The following SGCZ variants were observed in gnomAD, a reference collection of about 807,000 sequenced individuals.
SGCZ encodes the protein zeta-sarcoglycan.
SGCZ carries 40 observed loss-of-function variants against 41.3 expected under a neutral mutation model. That is an observed-to-expected ratio of 0.97 (90% CI 0.75 to 1.26). The LOEUF (loss-of-function observed/expected upper bound fraction) is 1.26, where lower values mean the gene tolerates loss of function less well. SGCZ is among the 50% of genes most tolerant of loss of function. SGCZ has a pLI of 0.00. For synonymous variants in SGCZ, 206 were observed against 137.5 expected, an observed-to-expected ratio of 1.50 and a Z score of -3.49; for missense variants, 552 against 369.8, an observed-to-expected ratio of 1.49 and a Z score of -4.04.
At chr8:14,274,736 A>C (rs961750950) in intron 3 of SGCZ, among the ~76,000 whole-genome samples, 1 of 152,080 alleles carries the variant, frequency 6.6e-6, no homozygotes, top group African/African-American at 2.4e-5. Flanking sequence ...TTTTCACAAA[A>C]AAATTATACT....
intron 5 of SGCZ, among the ~76,000 whole-genome samples, chr8:14,147,167 C>T (rs1585177918): frequency 6.6e-6 from 1 of 151,932 alleles, no homozygotes; most frequent in Admixed American, 6.6e-5. Flanking sequence ...TGGAGAAAAT[C>T]ACCTTCACTA....
At chr8:14,631,049 A>G in intron 1 of SGCZ, among the ~76,000 whole-genome samples, 1 of 152,070 alleles carries the variant, frequency 6.6e-6, no homozygotes, top group Non-Finnish European at 1.5e-5. Flanking sequence ...ATAAATTTAT[A>G]TGTAATAAAA....
At chr8:14,875,987 A>T (rs538491221) in intron 1 of SGCZ, among the ~76,000 whole-genome samples, 32 of 152,160 alleles carry the variant, frequency 2.1e-4, no homozygotes, top group Non-Finnish European at 4.1e-4. Context: ...AACACCAAAC[A>T]CAAACCATTT....
intron 3 of SGCZ, among the ~76,000 whole-genome samples, chr8:14,264,539 C>T (rs1463261193): frequency 1.3e-5 from 2 of 152,178 alleles, no homozygotes; most frequent in African/African-American, 2.4e-5. Context: ...CATGGGGCAA[C>T]ACAACACCTG....
At chr8:15,157,004 A>T (rs1377239219) in intron 1 of SGCZ, among the ~76,000 whole-genome samples, 2 of 152,082 alleles carry the variant, frequency 1.3e-5, no homozygotes, top group Non-Finnish European at 2.9e-5. Context: ...GCACTTCTCA[A>T]ATATTCTCAA....
chr8:14,820,961 T>G (rs1585290682), intron 1 of SGCZ, among the ~76,000 whole-genome samples: 1 of 146,884 alleles, frequency 6.8e-6, no homozygotes, highest in Non-Finnish European at 1.5e-5. Context: ...CAAAATTGGT[T>G]GAAGGAAGGA....
intron 1 of SGCZ, among the ~76,000 whole-genome samples, chr8:14,784,978 T>A (rs1036314460): frequency 5.6e-5 from 8 of 142,256 alleles, no homozygotes; most frequent in Admixed American, 2.2e-4. Flanking sequence ...ATATATATAT[T>A]TTTTATATAT....
intron 1 of SGCZ, among the ~76,000 whole-genome samples, chr8:14,860,027 GAATC>G (rs1166850388): frequency 6.6e-6 from 1 of 152,062 alleles, no homozygotes; most frequent in Non-Finnish European, 1.5e-5. Flanking sequence ...GAATTGATAA[GAATC>G]AAGGAATCAG....
chr8:14,616,828 A>C (rs1318336520), intron 1 of SGCZ, among the ~76,000 whole-genome samples: 1 of 152,218 alleles, frequency 6.6e-6, no homozygotes, highest in Non-Finnish European at 1.5e-5. Flanking sequence ...TAAGATCTCC[A>C]TAAGCCTTAT....
Position 14,580,032 on chromosome 8 carries a change from G to T in SGCZ, c.40-25106C>A, listed in dbSNP as rs534284803. 4.6e-5 allele frequency among the ~76,000 whole-genome samples: 7 copies of T among 152,290 alleles called. No individual in the cohort carries two copies. In the South Asian group the frequency reaches 1.4e-3, roughly 32 times the overall value. The stretch of plus-strand genomic sequence containing the variant: ...CTCTGAAGCACTGAAGGCCTGTTTG[G>T]CTGAAGGTTCATTCATGCATAGCCC... On this transcript the variant is annotated intron_variant, in intron 1 of 7. Transcript: ENST00000382080.
At position 15,034,599 on chromosome 8, in the gene SGCZ, A is replaced by T. The variant is rs138212145; in HGVS notation, c.39+202986T>A. On this transcript the variant is annotated intron_variant, in intron 1 of 7. Coordinates refer to ENST00000382080, the MANE Select transcript of SGCZ (RefSeq NM_139167.4). ...TGAAGAATGATGTAAATATCCAGGT[A>T]CAGAAAGGTCAAAGGTCTCCATTCA... 3.3e-3 allele frequency among the ~76,000 whole-genome samples: 506 copies of T among 152,322 alleles called. 5 individuals are homozygous for T. The highest frequency in any genetic ancestry group is 0.012 in the African/African-American group (489 of 41,574).
At chr8:14,853,102 A>G (rs1272622749) in intron 1 of SGCZ, among the ~76,000 whole-genome samples, 5 of 152,202 alleles carry the variant, frequency 3.3e-5, no homozygotes, top group Admixed American at 3.3e-4. Flanking sequence ...ATATTTGAAG[A>G]AAGTCAAATT....
At chr8:14,206,396 T>C (rs1805616612) in intron 4 of SGCZ, among the ~76,000 whole-genome samples, 1 of 152,150 alleles carries the variant, frequency 6.6e-6, no homozygotes, top group Non-Finnish European at 1.5e-5. Context: ...ACATAAATCA[T>C]AATAAATAAG....
At chr8:14,143,677 C>T (rs1480355575) in intron 5 of SGCZ, among the ~76,000 whole-genome samples, 1 of 152,124 alleles carries the variant, frequency 6.6e-6, no homozygotes, top group Non-Finnish European at 1.5e-5. Flanking sequence ...AACCAAAAAT[C>T]ATATGAGCAC....
At chr8:14,938,015 G>A (rs1800140195) in intron 1 of SGCZ, among the ~76,000 whole-genome samples, 1 of 152,020 alleles carries the variant, frequency 6.6e-6, no homozygotes, top group Admixed American at 6.6e-5. Flanking sequence ...ATAACTTTAT[G>A]AACATTCAAA....
At chr8:14,747,440 A>G (rs1799367779) in intron 1 of SGCZ, among the ~76,000 whole-genome samples, 1 of 152,184 alleles carries the variant, frequency 6.6e-6, no homozygotes, top group South Asian at 2.1e-4. Context: ...AGAGAGAAGC[A>G]AATTAAACCA....
intron 4 of SGCZ, among the ~76,000 whole-genome samples, chr8:14,172,338 T>G (rs1804408485): frequency 6.6e-6 from 1 of 152,148 alleles, no homozygotes; most frequent in African/African-American, 2.4e-5. Context: ...TATGGCCAAC[T>G]CAGCACTGCC....
At chr8:14,736,756 C>G (rs1799046559) in intron 1 of SGCZ, among the ~76,000 whole-genome samples, 2 of 152,006 alleles carry the variant, frequency 1.3e-5, no homozygotes, top group African/African-American at 4.8e-5. Context: ...GTTACTTCAC[C>G]TAGAATCACA....
intron 2 of SGCZ, among the ~76,000 whole-genome samples, chr8:14,470,424 T>C (rs1361706133): frequency 6.6e-6 from 1 of 152,126 alleles, no homozygotes. Flanking sequence ...CTATTATTAA[T>C]TTCATTTTAA....
Sources: allele counts gnomAD v4.1 joint callset (sites outside exome capture counted in the v4.1 genomes callset), GRCh38; gene constraint gnomAD v4.1.1; transcripts MANE v1.5; gene names NCBI Gene and HGNC (gene_info 2026-07-23, HGNC 2026-07-21).